The following MTFR1 variants were observed in gnomAD, a reference collection of about 807,000 sequenced individuals.
MTFR1 encodes mitochondrial fission regulator 1, also known as chondrocyte protein with a poly-proline region.
Under a neutral mutation model 38.8 loss-of-function variants are expected in MTFR1, and 28 were observed. The ratio of observed to expected loss-of-function variants is 0.72; its 90% CI spans 0.53 to 0.99. The LOEUF is 0.99. MTFR1 is among the 50% of genes least tolerant of loss of function. The probability of loss-of-function intolerance (pLI) is 0.00; values close to 1 mark genes in which losing one functional copy is unlikely to be tolerated. For missense variants in MTFR1, 358 were observed against 395.5 expected (o/e 0.91, Z 0.81); for synonymous variants, 145 against 137.0 (o/e 1.06, Z -0.41).
At chr8:65,707,743 A>AG in intron 6 of MTFR1, 100 bp from the exon 7 acceptor site, 8 of 1,436,854 alleles carry the variant, frequency 5.6e-6, no homozygotes, top group Non-Finnish European at 7.5e-6. Context: ...AGTAGCTATG[A>AG]TGCTGGAGAG....
At chr8:65,729,933 C>T (rs1319825907) in intron 3 of MTFR1, among the ~76,000 whole-genome samples, 1 of 151,958 alleles carries the variant, frequency 6.6e-6, no homozygotes, top group Non-Finnish European at 1.5e-5. Context: ...AATGAACCTC[C>T]CACACACAGA....
At chr8:65,659,530 A>C (rs1010186845) in intron 1 of MTFR1, among the ~76,000 whole-genome samples, 1 of 150,794 alleles carries the variant, frequency 6.6e-6, no homozygotes, top group African/African-American at 2.4e-5. Flanking sequence ...CTGATTGGCT[A>C]CTTGCAAATA....
At position 65,727,411 on chromosome 8, in the gene MTFR1, C is replaced by G. The variant is rs139641538; in HGVS notation, c.*48+7930C>G. ...ATGGTAGTGGTGGTAATCTCCTCCC[C>G]CTTCACGTCATTCCTCAGGTGGTTG... is the stretch of plus-strand genomic sequence containing the variant. On this transcript the variant is annotated intron_variant, in intron 3 of 3. Transcript: ENST00000521247. 8.4e-5 allele frequency: 124 copies of G among 1,471,076 alleles called. No homozygotes were observed. The South Asian group carries it at 1.1e-3, about 14-fold the overall frequency. The allele number at this position is 1,471,076 out of a possible 1,614,324, so 91.1% of individuals were successfully genotyped here.
upstream of MTFR1, among the ~76,000 whole-genome samples, chr8:65,644,508 G>A (rs1360019101): frequency 6.6e-6 from 1 of 152,228 alleles, no homozygotes; most frequent in African/African-American, 2.4e-5. Flanking sequence ...AGGACAGGAC[G>A]GTGAAGGCAC....
chr8:65,759,054 C>T (rs1006344753), intron 3 of MTFR1, among the ~76,000 whole-genome samples: 1 of 152,208 alleles, frequency 6.6e-6, no homozygotes, highest in Non-Finnish European at 1.5e-5. Flanking sequence ...TGCTGCAGTA[C>T]CCCCAGATCC....
Position 65,726,662 on chromosome 8 carries a change from G to A in MTFR1, c.*48+7181G>A, listed in dbSNP as rs546702513. Among the ~76,000 whole-genome samples the A allele has an allele frequency of 2.0e-5, 3 of 152,254 alleles. No individual in the cohort carries two copies. In the East Asian group the frequency reaches 5.8e-4, roughly 29 times the overall value. ...TTATAGTATTCAAACCCATGGAATA[G>A]TCTTTGATAAAAATAACTATCCATT... On this transcript the variant is annotated intron_variant, in intron 3 of 3. Transcript: ENST00000521247.
chr8:65,739,689 T>C, intron 3 of MTFR1: 1 of 1,224,916 alleles, frequency 8.2e-7, no homozygotes, highest in Non-Finnish European at 1.0e-6. Context: ...ATATAAAACA[T>C]GGAAAGAGTA....
chr8:65,684,535 G>A (rs1805011531), intron 3 of MTFR1, among the ~76,000 whole-genome samples: 1 of 151,736 alleles, frequency 6.6e-6, no homozygotes, highest in South Asian at 2.1e-4. Flanking sequence ...ACAGGCATGT[G>A]CCACCAAGCC....
chr8:65,708,532 T>C (rs908643957), intron 7 of MTFR1, among the ~76,000 whole-genome samples: 1 of 152,148 alleles, frequency 6.6e-6, no homozygotes, highest in African/African-American at 2.4e-5. Context: ...CTGGGTACAT[T>C]TCATGGAAGC....
At chr8:65,706,282 C>T (rs1335745433) in intron 5 of MTFR1, among the ~76,000 whole-genome samples, 4 of 152,196 alleles carry the variant, frequency 2.6e-5, no homozygotes, top group Non-Finnish European at 4.4e-5. Context: ...TTTTGAAGCT[C>T]TATTTATAAG....
At chr8:65,672,839 C>A (rs1804599921) in intron 2 of MTFR1, among the ~76,000 whole-genome samples, 1 of 152,198 alleles carries the variant, frequency 6.6e-6, no homozygotes, top group Non-Finnish European at 1.5e-5. Flanking sequence ...CTTCTCTCAG[C>A]CTTCACAGAA....
chr8:65,679,309 A>C (rs368815470), intron 2 of MTFR1, among the ~76,000 whole-genome samples: 11 of 152,210 alleles, frequency 7.2e-5, no homozygotes, highest in East Asian at 5.8e-4. Flanking sequence ...GGATCTATTA[A>C]AATGTATAAG....
downstream of MTFR1, among the ~76,000 whole-genome samples, chr8:65,714,043 G>A (rs181403059): frequency 4.6e-5 from 7 of 151,054 alleles, no homozygotes; most frequent in East Asian, 7.8e-4. Flanking sequence ...ATCATTACCC[G>A]AACAAAACCC....
chr8:65,681,242 C>T (rs1029567778), intron 2 of MTFR1, among the ~76,000 whole-genome samples: 2 of 152,076 alleles, frequency 1.3e-5, no homozygotes, highest in African/African-American at 4.8e-5. Flanking sequence ...GCCTCAGCCT[C>T]CCAAGTAGCT....
intron 3 of MTFR1, among the ~76,000 whole-genome samples, chr8:65,740,985 A>G (rs1480337802): frequency 6.6e-6 from 1 of 152,204 alleles, no homozygotes; most frequent in East Asian, 1.9e-4. Flanking sequence ...TTCGTCCTCA[A>G]CGTCCACTCC....
chr8:65,701,561 T>C (rs1488038427), intron 4 of MTFR1, among the ~76,000 whole-genome samples: 2 of 152,238 alleles, frequency 1.3e-5, no homozygotes, highest in Non-Finnish European at 2.9e-5. Flanking sequence ...TATAGGTTCA[T>C]AGGGCTTAAA....
At chr8:65,734,465 G>A (rs1370941004) in intron 3 of MTFR1, among the ~76,000 whole-genome samples, 2 of 152,144 alleles carry the variant, frequency 1.3e-5, no homozygotes. Context: ...CCTCTCTGTA[G>A]CTCCTCATTC....
At chr8:65,687,135 T>C (rs959180943) in intron 3 of MTFR1, among the ~76,000 whole-genome samples, 3 of 152,136 alleles carry the variant, frequency 2.0e-5, no homozygotes, top group Admixed American at 6.5e-5. Flanking sequence ...TTTTAATAAA[T>C]GTTCACTTAA....
chr8:65,764,684 T>C (rs936488974), intron 3 of MTFR1, among the ~76,000 whole-genome samples: 2 of 152,138 alleles, frequency 1.3e-5, no homozygotes, highest in Admixed American at 6.5e-5. Flanking sequence ...ATATAATCAG[T>C]ACGATATGAG....
Sources: allele counts gnomAD v4.1 joint callset (sites outside exome capture counted in the v4.1 genomes callset), GRCh38; gene constraint gnomAD v4.1.1; transcripts MANE v1.5; gene names NCBI Gene and HGNC (gene_info 2026-07-23, HGNC 2026-07-21).